Variants in CDK12 observed in about 807,000 individuals in gnomAD.
CDK12 encodes the protein cyclin dependent kinase 12.
A neutral mutation model predicts 133.8 loss-of-function variants in CDK12; 17 were observed. The ratio of observed to expected loss-of-function variants is 0.13; its 90% CI spans 0.09 to 0.19. The LOEUF (loss-of-function observed/expected upper bound fraction) is 0.19, where lower values mean the gene tolerates loss of function less well. Ranked by LOEUF, CDK12 falls within the 10% of genes least tolerant of loss-of-function variation. The pLI, the probability that CDK12 is intolerant of heterozygous loss-of-function variation, is 1.00. For synonymous variants in CDK12, 694 were observed against 683.6 expected (o/e 1.02, Z -0.24); for missense variants, 1,508 against 1,818.7 (o/e 0.83, Z 3.11).
rs2054947370 is a variant in CDK12 at position 39,532,918 on chromosome 17, C to T, written c.*1602C>T. On this transcript the variant is annotated 3_prime_UTR_variant, in exon 14 of 14. Transcript: ENST00000447079. ...TATAATTTATCTGCACAGACTTAGA[C>T]CTTCAGGAAACATAGGTTAAGCCCC... 1 of 232,844 alleles carries T rather than the reference C, an allele frequency of 4.3e-6. No homozygotes were observed. The highest frequency in any genetic ancestry group is 8.5e-6 in the Non-Finnish European group (1 of 117,870). 14.4% of individuals were successfully genotyped at this position (232,844 alleles called of 1,614,324 possible).
intron 2 of CDK12, among the ~76,000 whole-genome samples, chr17:39,481,647 T>C (rs1341444551): frequency 3.7e-4 from 4 of 10,724 alleles, no homozygotes; most frequent in East Asian, 1.9e-3. Flanking sequence ...TCTCTCTCTC[T>C]CTCTCTCTCT....
intron 5 of CDK12, 22 bp downstream of exon 5, chr17:39,494,716 T>A: frequency 1.3e-6 from 2 of 1,528,630 alleles, no homozygotes; most frequent in Non-Finnish European, 1.8e-6. Context: ...GAATCACATT[T>A]TTACAGGGTA....
At chr17:39,471,850 G>A in intron 2 of CDK12, 87 bp downstream of exon 2, 1 of 1,135,658 alleles carries the variant, frequency 8.8e-7, no homozygotes. Context: ...CTACCCTCAT[G>A]GTTTTATGAA....
chr17:39,520,128 TG>T, intron 11 of CDK12, 41 bp downstream of exon 11: 1 of 1,610,906 alleles, frequency 6.2e-7, no homozygotes, highest in Non-Finnish European at 8.5e-7. Flanking sequence ...AATCTTTCCC[TG>T]GGCCTTAGAC....
In CDK12 at chr17:39,533,007, T is replaced by C. The variant is rs2054952214; in HGVS notation, c.*1691T>C. 3 of 232,700 alleles carry C rather than the reference T, an allele frequency of 1.3e-5. No homozygotes were observed. Among genetic ancestry groups the C allele is most frequent in the Non-Finnish European group, 2.5e-5 (3 of 117,790 alleles). 14.4% of individuals were successfully genotyped at this position (232,700 alleles called of 1,614,324 possible). A position where few individuals can be genotyped will look rare whatever the true frequency, so the allele number is the denominator to read the frequency against. ...GAGGGTAGTTTTCAAAACTCAAGTT[T>C]CATGTTTCAATGCCAAGTTCTTATT... On this transcript the variant is annotated 3_prime_UTR_variant, in exon 14 of 14. Coordinates refer to ENST00000447079, the MANE Select transcript of CDK12 (RefSeq NM_016507.4).
downstream of CDK12, among the ~76,000 whole-genome samples, chr17:39,565,170 G>A (rs2056525408): frequency 6.6e-6 from 1 of 152,036 alleles, no homozygotes; most frequent in Non-Finnish European, 1.5e-5. Flanking sequence ...CTGGAGTGCA[G>A]TGGTGTAATC....
rs565338618 is a variant in CDK12 at position 39,468,564 on chromosome 17, C to T, written c.1047-2315C>T. On this transcript the variant is annotated intron_variant, in intron 1 of 13. Transcript: ENST00000447079. ...AATCTCAGCTTACCACAACCTCTGC[C>T]TCCCAGGTTCAAGCGGTTCTCCTGC... is the stretch of plus-strand genomic sequence containing the variant. 3.9e-5 allele frequency among the ~76,000 whole-genome samples: 6 copies of T among 152,028 alleles called. No individual in the cohort carries two copies. In the South Asian group the frequency reaches 8.3e-4, roughly 21 times the overall value.
At chr17:39,507,008 C>A (rs1222677864) in intron 6 of CDK12, among the ~76,000 whole-genome samples, 1 of 151,898 alleles carries the variant, frequency 6.6e-6, no homozygotes, top group Non-Finnish European at 1.5e-5. Flanking sequence ...GCGATTCTCC[C>A]ACCTCAGCCT....
chr17:39,494,691 A>G lies in CDK12; in HGVS notation c.2416A>G (p.Lys806Glu). 1 of 1,563,964 alleles carries G rather than the reference A, an allele frequency of 6.4e-7. No individual in the cohort carries two copies. Among genetic ancestry groups the G allele is most frequent in the Non-Finnish European group, 8.7e-7 (1 of 1,153,090 alleles). Reference sequence around the variant, plus strand: ...AGATGCACTGGATTTCAAGAAGGACAAAGGTACTAGCAAAGAATCACATTT... The same window carrying G: ...AGATGCACTGGATTTCAAGAAGGACGAAGGTACTAGCAAAGAATCACATTT... ...KQDALDFKKD[K>E]GAFYLVFEYM... The change falls in exon 5 of 14, where the codon AAA (lysine) becomes GAA (glutamate). Residue 806 changes from lysine to glutamate, a missense_variant. Lys to Glu is a moderately conservative substitution (Grantham distance 56, BLOSUM62 1). Coordinates refer to ENST00000447079, the MANE Select transcript of CDK12 (RefSeq NM_016507.4).
At chr17:39,517,327 A>G (rs2053876154) in intron 9 of CDK12, 113 bp from the exon 10 acceptor site, 1 of 686,008 alleles carries the variant, frequency 1.5e-6, no homozygotes, top group African/African-American at 1.8e-5. Context: ...CTGTAATGTA[A>G]TAACCAAAGA....
chr17:39,516,716 G>GCA (rs2053831111), intron 9 of CDK12, among the ~76,000 whole-genome samples: 1 of 144,800 alleles, frequency 6.9e-6, no homozygotes, highest in Non-Finnish European at 1.5e-5. Context: ...AGGCTGGAGT[G>GCA]CAGTGGCGTG....
At position 39,532,102 on chromosome 17, in the gene CDK12, T is replaced by TCTCTCTC. The variant is rs2054883789; in HGVS notation, c.*786_*787insCTCTCTC. On this transcript the variant is annotated 3_prime_UTR_variant, in exon 14 of 14. Transcript: ENST00000447079. ...GCTGATGTGTGCTCTCTCTCTCTCTTTCTCTCTCTCTCTCTCTCTCTCTCT... is the reference window on the plus strand; with the variant it reads ...GCTGATGTGTGCTCTCTCTCTCTCTTCTCTCTCTCTCTCTCTCTCTCTCTCTCTCTCT... The TCTCTCTC allele has an allele frequency of 1.5e-5, 3 of 206,014 alleles. No homozygotes were observed. Among genetic ancestry groups the TCTCTCTC allele is most frequent in the African/African-American group, 7.9e-5 (3 of 37,826 alleles). The allele number at this position is 206,014 out of a possible 1,614,324, so 12.8% of individuals were successfully genotyped here.
In CDK12 at chr17:39,471,432, T is replaced by A. The variant is rs747321311; in HGVS notation, c.1600T>A (p.Ser534Thr). 1 of 1,612,766 alleles carries A rather than the reference T, an allele frequency of 6.2e-7. No homozygotes were observed. The highest frequency in any genetic ancestry group is 8.5e-7 in the Non-Finnish European group (1 of 1,179,364). The change falls in exon 2 of 14, where the codon TCT (serine) becomes ACT (threonine). Residue 534 changes from serine to threonine, a missense_variant. Ser to Thr is a moderately conservative substitution (Grantham distance 58). Transcript: ENST00000447079. Reference protein sequence around the residue: ...ETPPPLPTIASPPPPLPTTTP... With the variant: ...ETPPPLPTIATPPPPLPTTTP... ...CCCTCCACCTCTTCCCACAATTGCT[T>A]CTCCCCCACCCCCTCTACCAACTAC... is the stretch of plus-strand genomic sequence containing the variant.
At chr17:39,497,409 G>T (rs1217950636) in intron 5 of CDK12, among the ~76,000 whole-genome samples, 2 of 151,956 alleles carry the variant, frequency 1.3e-5, no homozygotes, top group African/African-American at 2.4e-5. Flanking sequence ...TGGGCATGGT[G>T]CTGGGCACTT....
At chr17:39,550,103 A>T (rs2055893540), upstream of CDK12, 1 of 152,044 alleles carries the variant, frequency 6.6e-6, no homozygotes, top group African/African-American at 2.4e-5. Context: ...GCAGGGGGGT[A>T]TAGAGCTCCA....
Position 39,471,146 on chromosome 17 carries a change from G to GTTA in CDK12, c.1314_1315insTTA (p.Lys438_Asp439insLeu). 6.3e-7 allele frequency: 1 copy of GTTA among 1,589,192 alleles called. No individual in the cohort carries two copies. The highest frequency in any genetic ancestry group is 8.5e-7 in the Non-Finnish European group (1 of 1,171,586). Reference sequence around the variant, plus strand: ...AAGAGAACAGTTCAGTAGAGGCTAAGGATTCAGGTTTGGAGTCTAAAAAGT... The same window carrying GTTA: ...AAGAGAACAGTTCAGTAGAGGCTAAGTTAGATTCAGGTTTGGAGTCTAAAAAGT... On this transcript the variant is annotated inframe_insertion, in exon 2 of 14. Coordinates refer to ENST00000447079, the MANE Select transcript of CDK12 (RefSeq NM_016507.4).
Position 39,532,102 on chromosome 17 carries a change from T to TTCTCTCTCTCTCTATC in CDK12, c.*799_*800insATCTCTCTCTCTCTCT, listed in dbSNP as rs1232452261. ...GCTGATGTGTGCTCTCTCTCTCTCT[T>TTCTCTCTCTCTCTATC]TCTCTCTCTCTCTCTCTCTCTCTCT... On this transcript the variant is annotated 3_prime_UTR_variant, in exon 14 of 14. Transcript: ENST00000447079. 2.4e-4 allele frequency: 52 copies of TTCTCTCTCTCTCTATC among 218,600 alleles called. No homozygotes were observed. The highest frequency in any genetic ancestry group is 4.3e-4 in the Admixed American group (7 of 16,426). The allele number at this position is 218,600 out of a possible 1,614,324, so 13.5% of individuals were successfully genotyped here.
rs1009065668 is a variant in CDK12 at position 39,492,901 on chromosome 17, C to A, written c.2248+11C>A. On this transcript the variant is annotated intron_variant, in intron 4 of 13. Coordinates refer to ENST00000447079, the MANE Select transcript of CDK12 (RefSeq NM_016507.4). The stretch of plus-strand genomic sequence containing the variant: ...AGGACAAAGACACAGGTAAATATTG[C>A]CACAAAATTTTAGATGTCAGAATGT... 1 of 1,585,910 alleles carries A rather than the reference C, an allele frequency of 6.3e-7. No individual in the cohort carries two copies. Among genetic ancestry groups the A allele is most frequent in the Admixed American group, 1.9e-5 (1 of 52,882 alleles).
rs772406519 is a variant in CDK12 at position 39,526,157 on chromosome 17, A to G, written c.3601A>G (p.Ser1201Gly). The change falls in exon 13 of 14, where the codon AGC becomes GGC. Residue 1201 changes from serine to glycine, a missense_variant. Physicochemically the swap from Ser to Gly is moderately conservative, Grantham distance 56. Coordinates refer to ENST00000447079, the MANE Select transcript of CDK12 (RefSeq NM_016507.4). ...SAEQTTLEAS[S>G]TPADMQNILA... ...AGAACAGACGACCCTTGAAGCTTCA[A>G]GCACACCAGCTGACATGCAGAATAT... 5.0e-6 allele frequency: 8 copies of G among 1,614,090 alleles called. No homozygotes were observed. In the African/African-American group the frequency reaches 9.3e-5, roughly 19 times the overall value.
Sources: gnomAD v4.1 joint callset for allele counts (sites outside exome capture counted in the v4.1 genomes callset) on GRCh38, gnomAD v4.1.1 for gene constraint, MANE v1.5 for transcripts, NCBI Gene and HGNC (gene_info 2026-07-23, HGNC 2026-07-21) for gene names.